Variants in SH2B3 observed in about 807,000 individuals in gnomAD.
SH2B3 encodes the protein SH2B adapter protein 3.
In SH2B3, 43 loss-of-function variants were observed where a neutral mutation model predicts 51.9. The ratio of observed to expected loss-of-function variants is 0.83; its 90% confidence interval spans 0.65 to 1.07. The LOEUF is 1.07. SH2B3 is among the 50% of genes least tolerant of loss of function. SH2B3 has a pLI of 0.00. For synonymous variants in SH2B3, 396 were observed against 376.0 expected (o/e 1.05, Z -0.62); for missense variants, 952 against 834.3 (o/e 1.14, Z -1.74).
intron 2 of SH2B3, among the ~76,000 whole-genome samples, chr12:111,430,539 G>C (rs1284170433): frequency 2.0e-5 from 3 of 152,114 alleles, no homozygotes; most frequent in African/African-American, 7.2e-5. Flanking sequence ...TTCGAGGCTG[G>C]TATTGAGATG....
chr12:111,418,269 G>T lies in SH2B3; in HGVS notation c.124G>T (p.Ala42Ser). 6.5e-7 allele frequency: 1 copy of T among 1,530,160 alleles called. No individual in the cohort carries two copies. Among genetic ancestry groups the T allele is most frequent in the East Asian group, 2.5e-5 (1 of 40,444 alleles). 94.8% of individuals were successfully genotyped at this position (1,530,160 alleles called of 1,614,324 possible). Residue 42 changes from alanine to serine, a missense_variant, in exon 2 of 8, where the codon GCC (alanine) becomes TCC (serine). Ala to Ser is a moderately conservative substitution (Grantham distance 99). Transcript: ENST00000341259. The surrounding 1 kb of genome is among the most constrained non-coding windows in gnomAD (Gnocchi z 6.7). Reference protein sequence around the residue: ...LHAVAAARELARQYWLFAREH... With the variant: ...LHAVAAARELSRQYWLFAREH... ...CGCCGTAGCGGCGGCCCGGGAGCTGGCCCGCCAGTACTGGCTGTTCGCCCG... is the reference window on the plus strand; with the variant it reads ...CGCCGTAGCGGCGGCCCGGGAGCTGTCCCGCCAGTACTGGCTGTTCGCCCG...
Position 111,407,968 on chromosome 12 carries a change from G to A in SH2B3, c.-28+1691G>A, listed in dbSNP as rs1273251369. Among the ~76,000 whole-genome samples, 1 of 152,214 alleles carries A rather than the reference G, an allele frequency of 6.6e-6. No individual in the cohort carries two copies. The highest frequency in any genetic ancestry group is 1.5e-5 in the Non-Finnish European group (1 of 68,042). ...AACAGGTTTGCAGTGGAGATTTAAT[G>A]AGCCAGTGTGTAATGAGCACCTGCT... On this transcript the variant is annotated intron_variant, in intron 1 of 7. Transcript: ENST00000341259. The surrounding 1 kb of genome is among the most constrained non-coding windows in gnomAD (Gnocchi z 4.3).
At chr12:111,442,889 C>T (rs958196409) in intron 2 of SH2B3, among the ~76,000 whole-genome samples, 15 of 152,312 alleles carry the variant, frequency 9.8e-5, no homozygotes, top group Middle Eastern at 3.4e-3. Flanking sequence ...TGCCCTGCCC[C>T]GACTTGCCTG....
At chr12:111,416,071 A>G (rs969156052) in intron 1 of SH2B3, among the ~76,000 whole-genome samples, 3 of 152,078 alleles carry the variant, frequency 2.0e-5, no homozygotes, top group Admixed American at 6.5e-5. Context: ...CCTCCCCAGT[A>G]GCTGGGACTA....
chr12:111,432,359 T>G (rs1024070741), intron 2 of SH2B3, among the ~76,000 whole-genome samples: 4 of 152,056 alleles, frequency 2.6e-5, no homozygotes, highest in Non-Finnish European at 5.9e-5. Context: ...TTTAACTTTT[T>G]TGCTGGTATA....
intron 2 of SH2B3, among the ~76,000 whole-genome samples, chr12:111,426,181 G>A (rs945628523): frequency 2.6e-5 from 4 of 152,092 alleles, no homozygotes; most frequent in African/African-American, 9.7e-5. Flanking sequence ...TCCTCCCAGT[G>A]TAGGGCAGGA....
At chr12:111,426,478 G>A (rs1307111381) in intron 2 of SH2B3, among the ~76,000 whole-genome samples, 3 of 149,494 alleles carry the variant, frequency 2.0e-5, no homozygotes, top group Admixed American at 6.8e-5. Flanking sequence ...CTGCTGCCTC[G>A]GCCTCCCAGT....
chr12:111,418,385 C>T lies in SH2B3; in HGVS notation c.240C>T (p.Arg80=), dbSNP rs779350047. Residue 80 remains arginine, a synonymous_variant, in exon 2 of 8, where the codon CGC becomes CGT. Transcript: ENST00000341259. This position sits in a 1 kb window ranked among gnomAD's most constrained non-coding sequence, Gnocchi z 6.7. ...LFQRYFCREV[R]DGRAPGRDYR... is the part of the protein sequence containing the mutation. ...AGCGCTACTTCTGCCGCGAGGTGCGCGACGGACGGGCGCCGGGCCGCGACT... is the reference window on the plus strand; with the variant it reads ...AGCGCTACTTCTGCCGCGAGGTGCGTGACGGACGGGCGCCGGGCCGCGACT... 15 of 1,506,350 alleles carry T rather than the reference C, an allele frequency of 1.0e-5. No individual in the cohort carries two copies. The South Asian group carries it at 1.8e-4, about 18-fold the overall frequency. The allele number at this position is 1,506,350 out of a possible 1,614,324, so 93.3% of individuals were successfully genotyped here.
At chr12:111,444,452 A>AGG (rs1292584686) in intron 2 of SH2B3, among the ~76,000 whole-genome samples, 1 of 152,182 alleles carries the variant, frequency 6.6e-6, no homozygotes, top group Admixed American at 6.5e-5. Context: ...CCAGAAATAG[A>AGG]CGCTGCAGGA....
At position 111,438,536 on chromosome 12, in the gene SH2B3, C is replaced by T. The variant is rs1873100571; in HGVS notation, c.733-8217C>T. ...CAATCATCCCCTATGCCCCCCGTTA[C>T]CCAGCACAAAGGATGCTTAGCCAGC... On this transcript the variant is annotated intron_variant, in intron 2 of 7. Transcript: ENST00000341259. This position sits in a 1 kb window ranked among gnomAD's most constrained non-coding sequence, Gnocchi z 4.2. Among the ~76,000 whole-genome samples the T allele has an allele frequency of 6.6e-6, 1 of 152,190 alleles. No homozygotes were observed. The highest frequency in any genetic ancestry group is 2.4e-5 in the African/African-American group (1 of 41,442).
intron 2 of SH2B3, chr12:111,434,757 G>A (rs919961501): frequency 7.0e-7 from 1 of 1,438,596 alleles, no homozygotes; most frequent in Non-Finnish European, 9.1e-7. Context: ...GCTGGCTTTT[G>A]TTATGGGTGG....
intron 2 of SH2B3, among the ~76,000 whole-genome samples, chr12:111,446,074 T>G (rs1306277179): frequency 6.6e-6 from 1 of 152,182 alleles, no homozygotes; most frequent in Non-Finnish European, 1.5e-5. Flanking sequence ...CTCATCTCTT[T>G]CTCCCCTTTT....
At chr12:111,445,465 T>C (rs562690054) in intron 2 of SH2B3, among the ~76,000 whole-genome samples, 1 of 152,384 alleles carries the variant, frequency 6.6e-6, no homozygotes, top group East Asian at 1.9e-4. Context: ...TGCCTCATCC[T>C]GGCTGCTGGA....
intron 2 of SH2B3, among the ~76,000 whole-genome samples, chr12:111,431,023 TGGGTGGCGGG>T (rs1368791351): frequency 2.0e-5 from 2 of 101,820 alleles, no homozygotes; most frequent in Non-Finnish European, 4.4e-5. Context: ...CGGCCGGGGG[TGGGTGGCGGG>T]GGGGGCTTCC....
At chr12:111,416,974 AT>A (rs1237222159) in intron 1 of SH2B3, among the ~76,000 whole-genome samples, 1 of 152,126 alleles carries the variant, frequency 6.6e-6, no homozygotes, top group Non-Finnish European at 1.5e-5. Context: ...CTTGCCCACC[AT>A]TTACAAAATG....
chr12:111,432,691 G>A (rs548129603), intron 2 of SH2B3, among the ~76,000 whole-genome samples: 2 of 152,202 alleles, frequency 1.3e-5, no homozygotes, highest in South Asian at 4.2e-4. Flanking sequence ...CCAGCCCCTG[G>A]CAACCACTCA....
At chr12:111,425,716 C>T (rs1470376565) in intron 2 of SH2B3, among the ~76,000 whole-genome samples, 2 of 152,104 alleles carry the variant, frequency 1.3e-5, no homozygotes, top group African/African-American at 2.4e-5. Context: ...GGAGTGGGTG[C>T]AAGGGACCCT....
chr12:111,442,972 G>C (rs774887035), intron 2 of SH2B3, among the ~76,000 whole-genome samples: 2 of 152,244 alleles, frequency 1.3e-5, no homozygotes, highest in African/African-American at 2.4e-5. Flanking sequence ...CTGGCAGGGT[G>C]GGGTGTGGCC....
intron 2 of SH2B3, chr12:111,444,269 A>T (rs1260257808): frequency 6.6e-6 from 1 of 152,260 alleles, no homozygotes; most frequent in Non-Finnish European, 1.5e-5. Flanking sequence ...TAGCTGTTGA[A>T]ATAAATACAA....
Sources: gnomAD v4.1 joint callset for allele counts (sites outside exome capture counted in the v4.1 genomes callset) on GRCh38, gnomAD v4.1.1 for gene constraint, Gnocchi (gnomAD v3.1) non-coding constraint, MANE v1.5 for transcripts, NCBI Gene and HGNC (gene_info 2026-07-23, HGNC 2026-07-21) for gene names.